The following GRHL1 variants were observed in gnomAD, a reference collection of about 807,000 sequenced individuals.
The protein encoded by GRHL1 is grainyhead-like protein 1 homolog.
Under a neutral mutation model 75.7 loss-of-function variants are expected in GRHL1, and 38 were observed. The ratio of observed to expected loss-of-function variants is 0.50; its 90% CI spans 0.39 to 0.66. The LOEUF is 0.66. GRHL1 is among the 30% of genes least tolerant of loss of function. The pLI is 0.00. For synonymous variants in GRHL1, 266 were observed against 279.4 expected (o/e 0.95, Z 0.48); for missense variants, 589 against 767.5 (o/e 0.77, Z 2.75).
chr2:9,978,350 C>T (rs1049139603), intron 8 of GRHL1, among the ~76,000 whole-genome samples: 3 of 152,284 alleles, frequency 2.0e-5, no homozygotes, highest in Admixed American at 1.3e-4. Flanking sequence ...AGGGTGTATC[C>T]GTTGGTGCTG....
intron 8 of GRHL1, among the ~76,000 whole-genome samples, chr2:9,976,916 G>A (rs1300184124): frequency 6.6e-6 from 1 of 152,190 alleles, no homozygotes; most frequent in African/African-American, 2.4e-5. Context: ...TGAATGCTAA[G>A]GAATGTTGTC....
intron 1 of GRHL1, among the ~76,000 whole-genome samples, chr2:9,953,704 G>C (rs937508288): frequency 6.6e-6 from 1 of 151,768 alleles, no homozygotes; most frequent in African/African-American, 2.4e-5. Context: ...AAGGCCCTGG[G>C]TGACTCCCAA....
chr2:9,999,236 C>T (rs2125253789), intron 15 of GRHL1, among the ~76,000 whole-genome samples: 1 of 152,286 alleles, frequency 6.6e-6, no homozygotes, highest in South Asian at 2.1e-4. Context: ...GCCAAAGAAA[C>T]CTGGGTGCTG....
chr2:9,954,891 GT>G (rs150405807), intron 1 of GRHL1, 23 bp from the exon 2 acceptor site: 821 of 1,359,498 alleles, frequency 6.0e-4, no homozygotes, highest in Non-Finnish European at 7.2e-4. Context: ...GTGTGTTTTT[GT>G]TTTTTTTTTA....
At chr2:9,955,214 C>T in intron 2 of GRHL1, 113 bp downstream of exon 2, 1 of 673,856 alleles carries the variant, frequency 1.5e-6, no homozygotes, top group East Asian at 2.7e-5. Flanking sequence ...TCTGTAGTGA[C>T]TATAAATAGT....
intron 8 of GRHL1, among the ~76,000 whole-genome samples, chr2:9,975,810 C>G (rs1349523431): frequency 6.6e-6 from 1 of 151,886 alleles, no homozygotes; most frequent in Non-Finnish European, 1.5e-5. Flanking sequence ...CGCTTGAACC[C>G]AGGAGTTGGA....
chr2:9,985,280 T>G (rs1480162697), intron 8 of GRHL1, among the ~76,000 whole-genome samples: 1 of 152,214 alleles, frequency 6.6e-6, no homozygotes, highest in African/African-American at 2.4e-5. Context: ...TCTTCCCGGG[T>G]TATTCTAGGG....
chr2:9,976,698 T>A (rs1393727222), intron 8 of GRHL1, among the ~76,000 whole-genome samples: 3 of 152,078 alleles, frequency 2.0e-5, no homozygotes, highest in Non-Finnish European at 4.4e-5. Flanking sequence ...AAAGGCCACA[T>A]GAGGTCTTGG....
chr2:10,000,492 C>A, intron 15 of GRHL1, 101 bp from the exon 16 acceptor site: 1 of 670,174 alleles, frequency 1.5e-6, no homozygotes. Context: ...ATTTGCCTCA[C>A]ATGCTGCAAC....
rs1402819296 is a variant in GRHL1 at position 9,958,873 on chromosome 2, A to G, written c.278+17A>G. The G allele has an allele frequency of 6.8e-6, 11 of 1,613,084 alleles. No individual in the cohort carries two copies. The highest frequency in any genetic ancestry group is 8.5e-6 in the Non-Finnish European group (10 of 1,179,202). On this transcript the variant is annotated intron_variant, in intron 3 of 15. Transcript: ENST00000324907. ...CAGCAAAAGGTAACATTCAGTGCCT[A>G]ACAGCATAAAGAGTGCAGGGGGAAA...
chr2:9,958,736 T>C (rs756070122), intron 2 of GRHL1, 50 bp from the exon 3 acceptor site: 4 of 1,366,588 alleles, frequency 2.9e-6, no homozygotes, highest in Non-Finnish European at 4.2e-6. Flanking sequence ...TTGGGTAAAC[T>C]GCACTTCACT....
At chr2:9,969,039 C>G (rs1401459844) in intron 8 of GRHL1, among the ~76,000 whole-genome samples, 2 of 152,156 alleles carry the variant, frequency 1.3e-5, no homozygotes, top group African/African-American at 4.8e-5. Flanking sequence ...GCAACAATTT[C>G]AGTATTTCCA....
In GRHL1 at chr2:9,975,136, T is replaced by A. The variant is rs1238199193; in HGVS notation, c.1110+9755T>A. On this transcript the variant is annotated intron_variant, in intron 8 of 15. Coordinates refer to ENST00000324907, the MANE Select transcript of GRHL1 (RefSeq NM_198182.3). Reference sequence around the variant, plus strand: ...GTGCTTTCACCTTCTAAGGCCTGTGTAGTACAGAAGCAACAGCTGCAGACT... The same window carrying A: ...GTGCTTTCACCTTCTAAGGCCTGTGAAGTACAGAAGCAACAGCTGCAGACT... Among the ~76,000 whole-genome samples the A allele has an allele frequency of 2.0e-5, 3 of 152,232 alleles. No homozygotes were observed. In the East Asian group the frequency reaches 5.8e-4, roughly 29 times the overall value.
chr2:9,952,034 T>A (rs1666803970), intron 1 of GRHL1, among the ~76,000 whole-genome samples, 181 bp downstream of exon 1: 1 of 151,720 alleles, frequency 6.6e-6, no homozygotes, highest in African/African-American at 2.4e-5. Context: ...CCGTGCTCTT[T>A]GTTCGGTCGG....
chr2:9,980,776 C>G (rs1179066764), intron 8 of GRHL1, among the ~76,000 whole-genome samples: 1 of 152,238 alleles, frequency 6.6e-6, no homozygotes, highest in African/African-American at 2.4e-5. Flanking sequence ...GTAAATCATT[C>G]AGCCTACTCC....
intron 2 of GRHL1, 47 bp from the exon 3 acceptor site, chr2:9,958,739 A>G (rs777708441): frequency 7.2e-7 from 1 of 1,396,596 alleles, no homozygotes; most frequent in South Asian, 1.2e-5. Flanking sequence ...GGTAAACTGC[A>G]CTTCACTGGA....
chr2:9,993,288 G>T (rs1490054463), intron 12 of GRHL1, 44 bp downstream of exon 12: 20 of 1,500,688 alleles, frequency 1.3e-5, no homozygotes, highest in Non-Finnish European at 1.7e-5. Context: ...TAATGGAAAT[G>T]ATTTCAAACT....
rs554274892 is a variant in GRHL1, at chr2:9,971,406, C to A, written c.1110+6025C>A. Among the ~76,000 whole-genome samples, 3 of 152,322 alleles carry A rather than the reference C, an allele frequency of 2.0e-5. No homozygotes were observed. In the South Asian group the frequency reaches 6.2e-4, roughly 32 times the overall value. On this transcript the variant is annotated intron_variant, in intron 8 of 15. Coordinates refer to ENST00000324907, the MANE Select transcript of GRHL1 (RefSeq NM_198182.3). The stretch of plus-strand genomic sequence containing the variant: ...AGGAGATTTAAAACTAAAGGGCATA[C>A]TCCCTGGCCTAAATAGAAAAAGATG...
At position 10,000,942 on chromosome 2, in the gene GRHL1, C is replaced by G. The variant is rs1669243543; in HGVS notation, c.*235C>G. 1 of 361,522 alleles carries G rather than the reference C, an allele frequency of 2.8e-6. No individual in the cohort carries two copies. The highest frequency in any genetic ancestry group is 5.0e-6 in the Non-Finnish European group (1 of 201,928). The allele number at this position is 361,522 out of a possible 1,614,324, so 22.4% of individuals were successfully genotyped here. Reference sequence around the variant, plus strand: ...CCATATACCATTATGTTTGAATTTCCTGATATATACAGGATTTAAAGTGAA... The same window carrying G: ...CCATATACCATTATGTTTGAATTTCGTGATATATACAGGATTTAAAGTGAA... On this transcript the variant is annotated 3_prime_UTR_variant, in exon 16 of 16. Coordinates refer to ENST00000324907, the MANE Select transcript of GRHL1 (RefSeq NM_198182.3).
Sources: allele counts gnomAD v4.1 joint callset (sites outside exome capture counted in the v4.1 genomes callset), GRCh38; gene constraint gnomAD v4.1.1; transcripts MANE v1.5; gene names NCBI Gene and HGNC (gene_info 2026-07-23, HGNC 2026-07-21).